The following CX3CR1 variants were observed in gnomAD, a reference collection of about 807,000 sequenced individuals.
The protein encoded by CX3CR1 is C-X3-C motif chemokine receptor 1.
For synonymous variants in CX3CR1, 168 were observed against 178.5 expected, an observed-to-expected ratio of 0.94 and a Z score of 0.47; for missense variants, 363 against 432.4, an observed-to-expected ratio of 0.84 and a Z score of 1.42.
At chr3:39,268,662 G>A (rs946119379) in intron 1 of CX3CR1, among the ~76,000 whole-genome samples, 4 of 152,098 alleles carry the variant, frequency 2.6e-5, no homozygotes, top group Admixed American at 6.5e-5. Context: ...GCCTGTGGTC[G>A]GTCCTTCAGC....
intron 1 of CX3CR1, among the ~76,000 whole-genome samples, chr3:39,275,018 T>C (rs547112443): frequency 9.9e-5 from 15 of 152,230 alleles, no homozygotes; most frequent in African/African-American, 3.1e-4. Flanking sequence ...CCCACCACCA[T>C]GCCCAGCTAA....
chr3:39,278,650 CTT>C (rs2040865358), intron 1 of CX3CR1, among the ~76,000 whole-genome samples: 1 of 115,374 alleles, frequency 8.7e-6, no homozygotes, highest in Non-Finnish European at 1.7e-5. Flanking sequence ...ATTTTTTTTT[CTT>C]TTCTTTTTTT....
intron 1 of CX3CR1, among the ~76,000 whole-genome samples, chr3:39,274,695 T>C (rs952233301): frequency 2.0e-5 from 3 of 152,176 alleles, no homozygotes; most frequent in African/African-American, 7.2e-5. Context: ...AGGAAAGAGA[T>C]AGACTTGTTA....
intron 1 of CX3CR1, among the ~76,000 whole-genome samples, chr3:39,276,909 A>G (rs1185567616): frequency 6.6e-6 from 1 of 152,182 alleles, no homozygotes; most frequent in Admixed American, 6.5e-5. Context: ...TGGGAGAGGA[A>G]GAGGCTGTGG....
chr3:39,283,795 T>TTATACA, upstream of CX3CR1, among the ~76,000 whole-genome samples: 1 of 65,298 alleles, frequency 1.5e-5, no homozygotes, highest in East Asian at 1.4e-3. Flanking sequence ...AAAAAAAAAA[T>TTATACA]TATATATATA....
chr3:39,271,708 G>C (rs896640028), intron 1 of CX3CR1, among the ~76,000 whole-genome samples: 1 of 152,174 alleles, frequency 6.6e-6, no homozygotes. Context: ...AACCGCCCTT[G>C]GTAGCCAAAT....
At chr3:39,283,792 AAATTATATATATATATATATATATAT>A (rs1467069479), upstream of CX3CR1, among the ~76,000 whole-genome samples, 2 of 69,254 alleles carry the variant, frequency 2.9e-5, no homozygotes, top group Non-Finnish European at 5.5e-5. Context: ...AAAAAAAAAA[AAATTATATATATATATATATATATAT>A]ATATATATAT....
At chr3:39,280,347 G>A, upstream of CX3CR1, 9 of 985,506 alleles carry the variant, frequency 9.1e-6, no homozygotes, top group Non-Finnish European at 1.1e-5. Context: ...AGCTGGGAGA[G>A]CTCATGGGGC....
chr3:39,286,529 T>G (rs2040944098), upstream of CX3CR1: 1 of 151,582 alleles, frequency 6.6e-6, no homozygotes, highest in Non-Finnish European at 1.5e-5. Context: ...CGGGCGCCTG[T>G]AGTCCCAGCT....
chr3:39,285,172 G>A (rs943663584), upstream of CX3CR1, among the ~76,000 whole-genome samples: 7 of 147,596 alleles, frequency 4.7e-5, no homozygotes, highest in Non-Finnish European at 7.4e-5. Context: ...CCAGGAGTTC[G>A]AGACCAGCCT....
the CX3CR1 span, among the ~76,000 whole-genome samples, chr3:39,290,749 G>A: frequency 5.3e-4 from 81 of 151,992 alleles, no homozygotes; most frequent in Non-Finnish European, 9.4e-4. Context: ...GTGAAACCTC[G>A]TCTCTAGTAA....
At chr3:39,266,652 C>T (rs745505579) in intron 1 of CX3CR1, 134 bp from the exon 2 acceptor site, 21 of 860,302 alleles carry the variant, frequency 2.4e-5, no homozygotes, top group Non-Finnish European at 4.0e-5. Flanking sequence ...CCCAACTTCC[C>T]ACTTGCCATC....
chr3:39,273,429 T>A (rs1204410754), intron 1 of CX3CR1, among the ~76,000 whole-genome samples: 1 of 152,216 alleles, frequency 6.6e-6, no homozygotes, highest in Non-Finnish European at 1.5e-5. Context: ...TTTAGCCTAT[T>A]TTCTGCCTTC....
At chr3:39,267,988 TC>T (rs1170272530) in intron 1 of CX3CR1, among the ~76,000 whole-genome samples, 1 of 152,204 alleles carries the variant, frequency 6.6e-6, no homozygotes, top group Non-Finnish European at 1.5e-5. Context: ...AAAACAGGCC[TC>T]CTGGTTGTCA....
intron 1 of CX3CR1, among the ~76,000 whole-genome samples, chr3:39,272,531 C>T (rs538242438): frequency 1.3e-5 from 2 of 152,290 alleles, no homozygotes; most frequent in Admixed American, 1.3e-4. Flanking sequence ...TTTAGGTGGC[C>T]AGAATCCATT....
At chr3:39,268,289 T>C (rs184761230) in intron 1 of CX3CR1, among the ~76,000 whole-genome samples, 1 of 152,344 alleles carries the variant, frequency 6.6e-6, no homozygotes, top group East Asian at 1.9e-4. Context: ...TGCTTCAGGC[T>C]ACAATGCCCT....
At chr3:39,274,488 A>AG (rs2040817285) in intron 1 of CX3CR1, among the ~76,000 whole-genome samples, 1 of 150,832 alleles carries the variant, frequency 6.6e-6, no homozygotes, top group Non-Finnish European at 1.5e-5. Context: ...CACCAAAAAA[A>AG]AAAAAAAAAA....
At chr3:39,267,778 C>A (rs753297079) in intron 1 of CX3CR1, among the ~76,000 whole-genome samples, 30 of 152,214 alleles carry the variant, frequency 2.0e-4, no homozygotes, top group Non-Finnish European at 3.7e-4. Context: ...TTGGTTTGGA[C>A]TTCCCCACTA....
In CX3CR1 at chr3:39,268,076, T is replaced by C. The variant is rs148874887; in HGVS notation, c.-9-1558A>G. On this transcript the variant is annotated intron_variant, in intron 1 of 1. Transcript: ENST00000399220. ...GAGTTTCCACGCCCCACTACACCCTTTCCATGATGGTTTTACCCAGGTGGT... is the reference window on the plus strand; with the variant it reads ...GAGTTTCCACGCCCCACTACACCCTCTCCATGATGGTTTTACCCAGGTGGT... 1.6e-3 allele frequency among the ~76,000 whole-genome samples: 250 copies of C among 152,292 alleles called. 1 individual carries two copies. The highest frequency in any genetic ancestry group is 5.7e-3 in the African/African-American group (239 of 41,572).
Sources: gnomAD v4.1 joint callset for allele counts (sites outside exome capture counted in the v4.1 genomes callset) on GRCh38, gnomAD v4.1.1 for gene constraint, MANE v1.5 for transcripts, NCBI Gene and HGNC (gene_info 2026-07-23, HGNC 2026-07-21) for gene names.